PCDH15: variants seen among roughly 807,000 people sequenced by gnomAD.
PCDH15 encodes the protein protocadherin-15.
Under a neutral mutation model 178.5 loss-of-function variants are expected in PCDH15, and 129 were observed. That is an observed-to-expected ratio of 0.72 (90% CI 0.63 to 0.84). The LOEUF is 0.84. Ranked by LOEUF, PCDH15 falls within the 40% of genes least tolerant of loss-of-function variation. The pLI is 0.00. For missense variants in PCDH15, 2,230 were observed against 2,099.9 expected, an observed-to-expected ratio of 1.06 and a Z score of -1.21; for synonymous variants, 800 against 732.0, an observed-to-expected ratio of 1.09 and a Z score of -1.50.
chr10:54,493,007 G>A (rs2079748723), intron 3 of PCDH15, among the ~76,000 whole-genome samples: 1 of 152,094 alleles, frequency 6.6e-6, no homozygotes, highest in Non-Finnish European at 1.5e-5. Flanking sequence ...AATTTGTGCA[G>A]AGAACTCCTC....
intron 2 of PCDH15, among the ~76,000 whole-genome samples, chr10:55,115,736 A>G (rs1303492155): frequency 2.0e-5 from 3 of 152,206 alleles, no homozygotes; most frequent in Non-Finnish European, 4.4e-5. Context: ...CCATGTCACT[A>G]TAACAGGAAT....
chr10:54,291,893 C>T (rs192518947), intron 8 of PCDH15, among the ~76,000 whole-genome samples: 154 of 152,208 alleles, frequency 1.0e-3, no homozygotes, highest in Non-Finnish European at 1.7e-3. Flanking sequence ...ACCAGAGGTA[C>T]GAAGAGGACT....
rs1039326743 is a variant in PCDH15, at chr10:54,386,664, T to C, written c.158-7722A>G. On this transcript the variant is annotated intron_variant, in intron 3 of 37. Coordinates refer to ENST00000644397, the MANE Select transcript of PCDH15 (RefSeq NM_001384140.1). Reference sequence around the variant, plus strand: ...AAAGTGTGTAAAGAACTTGAATCAATAGTTTTTCAAAGAAGATATACAAAT... The same window carrying C: ...AAAGTGTGTAAAGAACTTGAATCAACAGTTTTTCAAAGAAGATATACAAAT... Among the ~76,000 whole-genome samples the C allele has an allele frequency of 4.0e-4, 61 of 152,248 alleles. 1 individual carries two copies. Among genetic ancestry groups the C allele is most frequent in the African/African-American group, 1.4e-3 (60 of 41,550 alleles).
intron 3 of PCDH15, among the ~76,000 whole-genome samples, chr10:54,391,637 C>A (rs747565169): frequency 6.6e-5 from 10 of 151,692 alleles, no homozygotes; most frequent in Non-Finnish European, 1.2e-4. Flanking sequence ...ATAACATGAG[C>A]CATGTTTAGA....
chr10:54,093,020 TC>T lies in PCDH15; in HGVS notation c.1918-2958del, dbSNP rs142853918. 7.8e-4 allele frequency among the ~76,000 whole-genome samples: 118 copies of T among 152,224 alleles called. 2 individuals are homozygous for T. The East Asian group carries it at 0.019, about 24-fold the overall frequency. On this transcript the variant is annotated intron_variant, in intron 15 of 37. Coordinates refer to ENST00000644397, the MANE Select transcript of PCDH15 (RefSeq NM_001384140.1). ...ATTTTAAGACCAGATTAATATCGAA[TC>T]TTTTATTATATCAGATCTACTCTAA...
At chr10:53,888,960 A>T (rs2081368745) in intron 26 of PCDH15, among the ~76,000 whole-genome samples, 1 of 151,158 alleles carries the variant, frequency 6.6e-6, no homozygotes, top group Admixed American at 6.6e-5. Context: ...CACGTCAAGT[A>T]GAGTGGAGAA....
At chr10:55,151,767 TAAGATA>T (rs1467896230) in intron 2 of PCDH15, among the ~76,000 whole-genome samples, 1 of 152,076 alleles carries the variant, frequency 6.6e-6, no homozygotes, top group African/African-American at 2.4e-5. Context: ...TGTTTAATAT[TAAGATA>T]ATGTTAAGAA....
intron 2 of PCDH15, among the ~76,000 whole-genome samples, chr10:55,081,989 A>G (rs1233409450): frequency 6.6e-6 from 1 of 152,056 alleles, no homozygotes; most frequent in Admixed American, 6.6e-5. Flanking sequence ...AGACTTCAAC[A>G]CCCCCACTTT....
rs2082335833 is a variant in PCDH15, at chr10:54,517,326, C to G, written c.157+10486G>C. On this transcript the variant is annotated intron_variant, in intron 3 of 37. Coordinates refer to ENST00000644397, the MANE Select transcript of PCDH15 (RefSeq NM_001384140.1). ...ATATTCAGGAAACCCATCTCATGTG[C>G]AGAGACACACATAGGCTCAAAATAA... is the stretch of plus-strand genomic sequence containing the variant. Among the ~76,000 whole-genome samples the G allele has an allele frequency of 2.0e-5, 3 of 152,118 alleles. No individual in the cohort carries two copies. In the South Asian group the frequency reaches 6.3e-4, roughly 32 times the overall value.
intron 2 of PCDH15, among the ~76,000 whole-genome samples, chr10:55,351,054 T>TC (rs1241814503): frequency 8.1e-5 from 7 of 86,758 alleles, no homozygotes; most frequent in Admixed American, 1.8e-4. Flanking sequence ...CCCCCTCCCC[T>TC]CCCCCCGCTG....
At chr10:55,337,676 G>T (rs1353593576) in intron 2 of PCDH15, among the ~76,000 whole-genome samples, 1 of 152,024 alleles carries the variant, frequency 6.6e-6, no homozygotes, top group Non-Finnish European at 1.5e-5. Flanking sequence ...TCCACATGTT[G>T]GTCTCTAATA....
intron 3 of PCDH15, among the ~76,000 whole-genome samples, chr10:54,815,474 T>C (rs1952933205): frequency 1.3e-5 from 2 of 152,168 alleles, no homozygotes; most frequent in African/African-American, 2.4e-5. Context: ...CCTGTTGCTA[T>C]TGCGGTGAGC....
chr10:55,464,775 C>T (rs1839796503), intron 2 of PCDH15, among the ~76,000 whole-genome samples: 1 of 148,952 alleles, frequency 6.7e-6, no homozygotes, highest in Admixed American at 6.7e-5. Flanking sequence ...ATAAAAATTT[C>T]CTTTAGCTCC....
chr10:55,132,048 C>T (rs1010859537), intron 2 of PCDH15, among the ~76,000 whole-genome samples: 3 of 152,048 alleles, frequency 2.0e-5, no homozygotes, highest in African/African-American at 7.2e-5. Context: ...GCAGCTGTAC[C>T]CAGAAGGGCA....
chr10:54,638,709 A>G (rs545430252), intron 2 of PCDH15, among the ~76,000 whole-genome samples: 44 of 152,260 alleles, frequency 2.9e-4, no homozygotes, highest in African/African-American at 1.0e-3. Context: ...AAAAGAAATC[A>G]TTATATAAAA....
At chr10:55,078,444 A>G (rs574708208) in intron 2 of PCDH15, among the ~76,000 whole-genome samples, 1 of 152,200 alleles carries the variant, frequency 6.6e-6, no homozygotes, top group African/African-American at 2.4e-5. Flanking sequence ...TGAAATACTG[A>G]TAATTTGTAT....
chr10:54,201,480 T>C (rs936995431), intron 10 of PCDH15, among the ~76,000 whole-genome samples: 1 of 152,066 alleles, frequency 6.6e-6, no homozygotes, highest in African/African-American at 2.4e-5. Flanking sequence ...TTCTATGCTA[T>C]TGTAAACCTA....
At chr10:54,234,130 T>TTGTGTGTGTGTG (rs1491388308) in intron 9 of PCDH15, among the ~76,000 whole-genome samples, 91 of 103,198 alleles carry the variant, frequency 8.8e-4, no homozygotes, top group African/African-American at 3.5e-3. Flanking sequence ...GGATATCCCC[T>TTGTGTGTGTGTG]TCTGTGTGTG....
At chr10:54,321,367 T>A (rs12146416) in intron 7 of PCDH15, among the ~76,000 whole-genome samples, 1 of 149,328 alleles carries the variant, frequency 6.7e-6, no homozygotes, top group African/African-American at 2.4e-5. Flanking sequence ...TTTTAAAAGA[T>A]TGAATTAATC....
Sources: gnomAD v4.1 joint callset for allele counts (sites outside exome capture counted in the v4.1 genomes callset) on GRCh38, gnomAD v4.1.1 for gene constraint, MANE v1.5 for transcripts, NCBI Gene and HGNC (gene_info 2026-07-23, HGNC 2026-07-21) for gene names.